The following DSCAM variants were observed in gnomAD, a reference collection of about 807,000 sequenced individuals.
DSCAM encodes cell adhesion molecule DSCAM.
Under a neutral mutation model 217.7 loss-of-function variants are expected in DSCAM, and 47 were observed. The observed-to-expected ratio is 0.22, with a 90% CI of 0.17 to 0.28. The LOEUF is 0.28. DSCAM is among the 10% of genes least tolerant of loss of function. The pLI, the probability that DSCAM is intolerant of heterozygous loss-of-function variation, is 1.00. For missense variants in DSCAM, 2,080 were observed against 2,618.3 expected (o/e 0.79, Z 4.49); for synonymous variants, 1,056 against 1,015.3 (o/e 1.04, Z -0.76).
intron 3 of DSCAM, among the ~76,000 whole-genome samples, chr21:40,647,292 A>G (rs898542752): frequency 2.0e-5 from 3 of 152,208 alleles, no homozygotes; most frequent in Non-Finnish European, 4.4e-5. Flanking sequence ...CACTGTTTGT[A>G]TATTTATATC....
chr21:40,556,674 C>T (rs1434664366), intron 3 of DSCAM, among the ~76,000 whole-genome samples: 4 of 131,244 alleles, frequency 3.0e-5, no homozygotes, highest in Non-Finnish European at 5.1e-5. Context: ...AGGGGAGGTA[C>T]CAGAATCTTT....
intron 3 of DSCAM, among the ~76,000 whole-genome samples, chr21:40,556,990 T>G (rs1601741992): frequency 6.6e-6 from 1 of 150,794 alleles, no homozygotes; most frequent in Admixed American, 6.6e-5. Flanking sequence ...GTGGGAGAGG[T>G]GGAGAAGGTG....
chr21:40,556,349 G>C (rs976864572), intron 3 of DSCAM, among the ~76,000 whole-genome samples: 2 of 152,130 alleles, frequency 1.3e-5, no homozygotes, highest in African/African-American at 4.8e-5. Context: ...CACATATTTT[G>C]TATGTTATCT....
intron 2 of DSCAM, among the ~76,000 whole-genome samples, chr21:40,694,850 T>C (rs952895156): frequency 2.6e-5 from 4 of 151,616 alleles, no homozygotes; most frequent in African/African-American, 7.3e-5. Context: ...TCTACGGTAA[T>C]AGATTAGAAA....
intron 11 of DSCAM, among the ~76,000 whole-genome samples, chr21:40,200,467 G>A (rs1378228360): frequency 6.6e-6 from 1 of 152,154 alleles, no homozygotes; most frequent in South Asian, 2.1e-4. Flanking sequence ...TCAAGCTGTA[G>A]CCTGTGTCTG....
At chr21:40,143,092 G>C (rs751549807) in intron 17 of DSCAM, among the ~76,000 whole-genome samples, 1 of 152,096 alleles carries the variant, frequency 6.6e-6, no homozygotes, top group African/African-American at 2.4e-5. Context: ...TTACTTTATA[G>C]AGTACGGTAC....
At chr21:40,564,610 C>T (rs1020682385) in intron 3 of DSCAM, among the ~76,000 whole-genome samples, 1 of 152,124 alleles carries the variant, frequency 6.6e-6, no homozygotes, top group Non-Finnish European at 1.5e-5. Context: ...ACAAAAAGGT[C>T]ACTTTGAGCC....
chr21:40,680,396 C>A (rs2090387186), intron 3 of DSCAM, among the ~76,000 whole-genome samples: 1 of 152,140 alleles, frequency 6.6e-6, no homozygotes, highest in South Asian at 2.1e-4. Flanking sequence ...CCCAGGTCCA[C>A]AGAGAGGTAT....
intron 1 of DSCAM, among the ~76,000 whole-genome samples, chr21:40,825,522 T>C (rs926904781): frequency 6.6e-6 from 1 of 152,116 alleles, no homozygotes; most frequent in Non-Finnish European, 1.5e-5. Context: ...TTCACCATGC[T>C]GGCCAGGCTG....
At chr21:40,717,281 G>T (rs1281460376) in intron 1 of DSCAM, among the ~76,000 whole-genome samples, 1 of 152,216 alleles carries the variant, frequency 6.6e-6, no homozygotes, top group African/African-American at 2.4e-5. Context: ...AGAGTGTCAG[G>T]TGCCAAGCTA....
chr21:40,762,007 G>T (rs909888464), intron 1 of DSCAM, among the ~76,000 whole-genome samples: 1 of 152,038 alleles, frequency 6.6e-6, no homozygotes, highest in Non-Finnish European at 1.5e-5. Context: ...ATCAGAAAGT[G>T]GGAAAGAAGT....
chr21:40,266,669 A>ATATG (rs1474804993), intron 11 of DSCAM, among the ~76,000 whole-genome samples: 10 of 132,244 alleles, frequency 7.6e-5, no homozygotes, highest in South Asian at 2.4e-4. Context: ...ATATATATAT[A>ATATG]TAATCTTGAA....
At position 40,016,274 on chromosome 21, in the gene DSCAM, CAG is replaced by C. The variant is rs1055776966; in HGVS notation, c.5687-2890_5687-2889del. Reference sequence around the variant, plus strand: ...AGTCAATGACAAGTGGGAGTGGTGACAGAGGAGAAGGGGTTAGGGGTGACTCC... The same window carrying C: ...AGTCAATGACAAGTGGGAGTGGTGACAGGAGAAGGGGTTAGGGGTGACTCC... On this transcript the variant is annotated intron_variant, in intron 32 of 32. Coordinates refer to ENST00000400454, the MANE Select transcript of DSCAM (RefSeq NM_001389.5). This position sits in a 1 kb window ranked among gnomAD's most constrained non-coding sequence, Gnocchi z 4.3. Among the ~76,000 whole-genome samples the C allele has an allele frequency of 2.0e-5, 3 of 152,112 alleles. No homozygotes were observed. Among genetic ancestry groups the C allele is most frequent in the African/African-American group, 7.2e-5 (3 of 41,432 alleles).
intron 3 of DSCAM, among the ~76,000 whole-genome samples, chr21:40,577,995 C>T (rs1192232115): frequency 6.6e-6 from 1 of 152,120 alleles, no homozygotes; most frequent in Admixed American, 6.5e-5. Context: ...GTCTATCTGG[C>T]TCTCTTAGCT....
At chr21:40,742,942 A>T (rs2146545858) in intron 1 of DSCAM, among the ~76,000 whole-genome samples, 1 of 152,330 alleles carries the variant, frequency 6.6e-6, no homozygotes, top group South Asian at 2.1e-4. Flanking sequence ...GTATCCCCTA[A>T]ATTACCCACC....
rs537197836 is a variant in DSCAM, at chr21:40,268,753, AG to A, written c.2356+7343del. 4.5e-3 allele frequency among the ~76,000 whole-genome samples: 684 copies of A among 152,212 alleles called. 4 individuals are homozygous for A. The highest frequency in any genetic ancestry group is 6.6e-3 in the Non-Finnish European group (450 of 68,002). ...CAACTGAGGTCAGGAGTTTGAGACCAGCTTGGCCAACATGGTGAAACCCCAT... is the reference window on the plus strand; with the variant it reads ...CAACTGAGGTCAGGAGTTTGAGACCACTTGGCCAACATGGTGAAACCCCAT... On this transcript the variant is annotated intron_variant, in intron 11 of 32. Transcript: ENST00000400454.
rs149943387 is a variant in DSCAM at position 40,012,609 on chromosome 21, G to A, written c.*425C>T. 3.8e-3 allele frequency: 585 copies of A among 152,702 alleles called. 5 individuals are homozygous for A. The highest frequency in any genetic ancestry group is 0.013 in the African/African-American group (555 of 41,538). 9.5% of individuals were successfully genotyped at this position (152,702 alleles called of 1,614,324 possible). Reference sequence around the variant, plus strand: ...TAATGGGAAAGAAAGGTGTGCAAACGTGACTGAAGTTTTCCCCTGCCCGCA... The same window carrying A: ...TAATGGGAAAGAAAGGTGTGCAAACATGACTGAAGTTTTCCCCTGCCCGCA... On this transcript the variant is annotated 3_prime_UTR_variant, in exon 33 of 33. Transcript: ENST00000400454.
At chr21:40,410,159 A>G (rs1177214435) in intron 3 of DSCAM, among the ~76,000 whole-genome samples, 1 of 152,144 alleles carries the variant, frequency 6.6e-6, no homozygotes, top group Admixed American at 6.5e-5. Flanking sequence ...AATAGAATAT[A>G]AAAATTAAAC....
At chr21:40,726,737 T>A (rs2090959498) in intron 1 of DSCAM, among the ~76,000 whole-genome samples, 1 of 152,188 alleles carries the variant, frequency 6.6e-6, no homozygotes, top group Admixed American at 6.5e-5. Context: ...CTCGAACTCA[T>A]GTTGAAATTT....
Sources: gnomAD v4.1 joint callset for allele counts (sites outside exome capture counted in the v4.1 genomes callset) on GRCh38, gnomAD v4.1.1 for gene constraint, Gnocchi (gnomAD v3.1) non-coding constraint, MANE v1.5 for transcripts, NCBI Gene and HGNC (gene_info 2026-07-23, HGNC 2026-07-21) for gene names.